Variants in PRAMEF9 observed in about 807,000 individuals in gnomAD.
PRAMEF9 encodes the protein PRAME family member 9.
Under a neutral mutation model 10.9 loss-of-function variants are expected in PRAMEF9, and 1 was observed. The ratio of observed to expected loss-of-function variants is 0.09; its 90% CI spans 0.03 to 0.44. The LOEUF (loss-of-function observed/expected upper bound fraction) is 0.44, where lower values mean the gene tolerates loss of function less well. Ranked by LOEUF, PRAMEF9 falls within the 20% of genes least tolerant of loss-of-function variation. PRAMEF9 has a pLI of 0.97. For missense variants in PRAMEF9, 126 were observed against 379.8 expected (o/e 0.33, Z 5.55); for synonymous variants, 40 against 148.3 (o/e 0.27, Z 5.31).
rs1161135169 is a variant in PRAMEF9, at chr1:13,171,878, C to CTTTTTTTTTTTTTT, written c.-663_-650dup. 8.1e-6 allele frequency: 1 copy of CTTTTTTTTTTTTTT among 123,730 alleles called. No individual in the cohort carries two copies. The highest frequency in any genetic ancestry group is 2.7e-5 in the African/African-American group (1 of 37,136). The allele number at this position is 123,730 out of a possible 1,614,324, so 7.7% of individuals were successfully genotyped here. A position where few individuals can be genotyped will look rare whatever the true frequency, so the allele number is the denominator to read the frequency against. On this transcript the variant is annotated 5_prime_UTR_variant, in exon 1 of 4. Transcript: ENST00000415919. ...TTCTCTCTCTCTCTTTTTTCTTTTT[C>CTTTTTTTTTTTTTT]TTTTTTTTTTTTTTTTTTTTTAAAT... is the stretch of plus-strand genomic sequence containing the variant.
At position 13,179,026 on chromosome 1, in the gene PRAMEF9, T is replaced by A. The variant is rs538028118; in HGVS notation, c.1331T>A (p.Val444Glu). The change falls in exon 4 of 4, where the codon GTG becomes GAG. Residue 444 changes from valine to glutamate, a missense_variant. Physicochemically the swap from Val to Glu is moderately radical, Grantham distance 121 (BLOSUM62 -2). Coordinates refer to ENST00000415919, the MANE Select transcript of PRAMEF9 (RefSeq NM_001010890.3). ...ATTAGGGCTGAGCTGATGAACAGAG[T>A]GAGGGACTTAAGGCACCCCAAGAGG... ...AQIRAELMNR[V>E]RDLRHPKRIF... The A allele has an allele frequency of 3.2e-6, 5 of 1,541,134 alleles. 1 individual carries two copies. In the South Asian group the frequency reaches 3.4e-5, roughly 10 times the overall value.
chr1:13,174,882 TTGTAGGAACTGAAAATGTGGGCA>T (rs1410547905), intron 1 of PRAMEF9: 1 of 174,584 alleles, frequency 5.7e-6, no homozygotes, highest in African/African-American at 2.6e-5. Context: ...ACAAACTTAT[TTGTAGGAACTGAAAATGTGGGCA>T]TGTAGGCTTG....
At position 13,172,154 on chromosome 1, in the gene PRAMEF9, T is replaced by G. The variant is rs1386739125; in HGVS notation, c.-395T>G. The G allele has an allele frequency of 6.9e-6, 1 of 144,400 alleles. No individual in the cohort carries two copies. The highest frequency in any genetic ancestry group is 7.0e-5 in the Admixed American group (1 of 14,234). 8.9% of individuals were successfully genotyped at this position (144,400 alleles called of 1,614,324 possible). On this transcript the variant is annotated 5_prime_UTR_variant, in exon 1 of 4. Coordinates refer to ENST00000415919, the MANE Select transcript of PRAMEF9 (RefSeq NM_001010890.3). ...CCTCCCACAGTGCTGGGATTACAGG[T>G]GTGAGCCACTTCGTCTGGCCTTGAA...
chr1:13,173,005 A>G (rs1638345956), intron 1 of PRAMEF9: 1 of 123,800 alleles, frequency 8.1e-6, no homozygotes. Flanking sequence ...CCATCCTCAG[A>G]AGCTGGTGTC....
At position 13,178,511 on chromosome 1, in the gene PRAMEF9, C is replaced by A. The variant is rs1221868925; in HGVS notation, c.876-60C>A. 26 of 547,484 alleles carry A rather than the reference C, an allele frequency of 4.7e-5. 11 individuals are homozygous for A. Among genetic ancestry groups the A allele is most frequent in the Non-Finnish European group, 6.5e-5 (26 of 399,310 alleles). 33.9% of individuals were successfully genotyped at this position (547,484 alleles called of 1,614,324 possible). On this transcript the variant is annotated intron_variant, in intron 3 of 3. Coordinates refer to ENST00000415919, the MANE Select transcript of PRAMEF9 (RefSeq NM_001010890.3). Reference sequence around the variant, plus strand: ...CATCCATTACCATGAAGCCATTCCCCACCACCCTCCACTCACCCCTATGAT... The same window carrying A: ...CATCCATTACCATGAAGCCATTCCCAACCACCCTCCACTCACCCCTATGAT...
chr1:13,179,015 G>C lies in PRAMEF9; in HGVS notation c.1320G>C (p.Leu440=), dbSNP rs782598991. 3.2e-6 allele frequency: 5 copies of C among 1,541,646 alleles called. 1 individual carries two copies. The East Asian group carries it at 9.5e-5, about 29-fold the overall frequency. ...WSRFAQIRAE[L]MNRVRDLRHP... ...GATTTGCTCAAATTAGGGCTGAGCT[G>C]ATGAACAGAGTGAGGGACTTAAGGC... The change falls in exon 4 of 4, where the codon CTG becomes CTC. Residue 440 remains leucine, a synonymous_variant. Transcript: ENST00000415919.
Position 13,172,280 on chromosome 1 carries a change from C to A in PRAMEF9, c.-269C>A, listed in dbSNP as rs1183275706. On this transcript the variant is annotated 5_prime_UTR_variant, in exon 1 of 4. Transcript: ENST00000415919. ...ATATGAATGGACATCTGATTCAATC[C>A]ATTAATCTGGGGAGAGCCAAAAACC... 7.0e-6 allele frequency: 1 copy of A among 142,684 alleles called. No individual in the cohort carries two copies. The highest frequency in any genetic ancestry group is 2.4e-5 in the African/African-American group (1 of 40,940). The allele number at this position is 142,684 out of a possible 1,614,324, so 8.8% of individuals were successfully genotyped here. A position where few individuals can be genotyped will look rare whatever the true frequency, so the allele number is the denominator to read the frequency against.
Position 13,179,042 on chromosome 1 carries a change from C to T in PRAMEF9, c.1347C>T (p.His449=), listed in dbSNP as rs549445212. The change falls in exon 4 of 4, where the codon CAC becomes CAT. Residue 449 remains histidine (H), a synonymous_variant. Coordinates refer to ENST00000415919, the MANE Select transcript of PRAMEF9 (RefSeq NM_001010890.3). The stretch of plus-strand genomic sequence containing the variant: ...TGAACAGAGTGAGGGACTTAAGGCA[C>T]CCCAAGAGGATCTTTTTCTGTATTG... The part of the protein sequence containing the change: ...ELMNRVRDLR[H]PKRIFFCIDN... 9.1e-6 allele frequency: 14 copies of T among 1,541,256 alleles called. 1 individual carries two copies. In the East Asian group the frequency reaches 3.3e-4, roughly 37 times the overall value.
chr1:13,175,063 T>C, intron 1 of PRAMEF9: 1 of 604,846 alleles, frequency 1.7e-6, no homozygotes, highest in African/African-American at 1.8e-5. Flanking sequence ...TGACCCTGCT[T>C]CCTCACTGCT....
At position 13,172,091 on chromosome 1, in the gene PRAMEF9, TCTCAAA is replaced by T. The variant is rs1185105754; in HGVS notation, c.-454_-449del. The T allele has an allele frequency of 1.4e-5, 2 of 143,844 alleles. No individual in the cohort carries two copies. The highest frequency in any genetic ancestry group is 3.1e-5 in the Non-Finnish European group (2 of 63,632). 8.9% of individuals were successfully genotyped at this position (143,844 alleles called of 1,614,324 possible). A position where few individuals can be genotyped will look rare whatever the true frequency, so the allele number is the denominator to read the frequency against. On this transcript the variant is annotated 5_prime_UTR_variant, in exon 1 of 4. Coordinates refer to ENST00000415919, the MANE Select transcript of PRAMEF9 (RefSeq NM_001010890.3). ...GGTTTTACCATGTTGGCCAGGCTTG[TCTCAAA>T]CTCCTGACCTCAGATAATCCACCTG...
chr1:13,172,659 A>G (rs1638339956), intron 1 of PRAMEF9, 127 bp downstream of exon 1: 1 of 134,420 alleles, frequency 7.4e-6, no homozygotes, highest in African/African-American at 2.5e-5. Flanking sequence ...TATATGAACA[A>G]TTTGAAGCTT....
intron 1 of PRAMEF9, 169 bp from the exon 2 acceptor site, chr1:13,175,096 A>C (rs1638361032): frequency 1.4e-6 from 1 of 714,296 alleles, no homozygotes; most frequent in South Asian, 1.8e-5. Flanking sequence ...ATGCTGATGC[A>C]GCAGAGGCAG....
chr1:13,179,013 C>A lies in PRAMEF9; in HGVS notation c.1318C>A (p.Leu440Met), dbSNP rs1434593625. 4.5e-6 allele frequency: 7 copies of A among 1,541,554 alleles called. No homozygotes were observed. In the Admixed American group the frequency reaches 6.9e-5, roughly 15 times the overall value. The change falls in exon 4 of 4, where the codon CTG becomes ATG. Residue 440 changes from leucine to methionine, a missense_variant. Physicochemically the swap from Leu to Met is conservative, Grantham distance 15. Transcript: ENST00000415919. Reference sequence around the variant, plus strand: ...CAGATTTGCTCAAATTAGGGCTGAGCTGATGAACAGAGTGAGGGACTTAAG... The same window carrying A: ...CAGATTTGCTCAAATTAGGGCTGAGATGATGAACAGAGTGAGGGACTTAAG... The part of the protein sequence containing the change: ...WSRFAQIRAE[L>M]MNRVRDLRHP...
rs1161135169 is a variant in PRAMEF9, at chr1:13,171,878, C to CTTTTTTTTTTTTTTTT, written c.-665_-650dup. 8.1e-6 allele frequency: 1 copy of CTTTTTTTTTTTTTTTT among 123,730 alleles called. No individual in the cohort carries two copies. Among genetic ancestry groups the CTTTTTTTTTTTTTTTT allele is most frequent in the Admixed American group, 8.6e-5 (1 of 11,586 alleles). The allele number at this position is 123,730 out of a possible 1,614,324, so 7.7% of individuals were successfully genotyped here. ...TTCTCTCTCTCTCTTTTTTCTTTTT[C>CTTTTTTTTTTTTTTTT]TTTTTTTTTTTTTTTTTTTTTAAAT... On this transcript the variant is annotated 5_prime_UTR_variant, in exon 1 of 4. Coordinates refer to ENST00000415919, the MANE Select transcript of PRAMEF9 (RefSeq NM_001010890.3).
chr1:13,172,647 T>C (rs1638339730), intron 1 of PRAMEF9, 115 bp downstream of exon 1: 1 of 135,462 alleles, frequency 7.4e-6, no homozygotes. Context: ...TTTTTATATA[T>C]ATATATGAAC....
Position 13,172,258 on chromosome 1 carries a change from T to C in PRAMEF9, c.-291T>C, listed in dbSNP as rs1638331486. ...GTGAAGTGAATATAGATATGTGATA[T>C]GAATGGACATCTGATTCAATCCATT... On this transcript the variant is annotated 5_prime_UTR_variant, in exon 1 of 4. The change abolishes an upstream ATG in the 5' untranslated region. Transcript: ENST00000415919. The C allele has an allele frequency of 6.9e-6, 1 of 144,860 alleles. No homozygotes were observed. Among genetic ancestry groups the C allele is most frequent in the South Asian group, 2.2e-4 (1 of 4,584 alleles). The allele number at this position is 144,860 out of a possible 1,614,324, so 9.0% of individuals were successfully genotyped here.
chr1:13,172,290 G>C lies in PRAMEF9; in HGVS notation c.-259G>C, dbSNP rs1638332062. On this transcript the variant is annotated 5_prime_UTR_variant, in exon 1 of 4. Transcript: ENST00000415919. ...ACATCTGATTCAATCCATTAATCTG[G>C]GGAGAGCCAAAAACCCAATCAGGAT... 7.2e-6 allele frequency: 1 copy of C among 138,478 alleles called. No homozygotes were observed. The highest frequency in any genetic ancestry group is 7.6e-5 in the Admixed American group (1 of 13,214). The allele number at this position is 138,478 out of a possible 1,614,324, so 8.6% of individuals were successfully genotyped here.
At position 13,175,639 on chromosome 1, in the gene PRAMEF9, T is replaced by G; in HGVS notation, c.293+66T>G. ...TCCAACTGAAGGAACAGCTGGGTCATGTGAAGTGAGGAGGCCCAAGGGGGA... is the reference window on the plus strand; with the variant it reads ...TCCAACTGAAGGAACAGCTGGGTCAGGTGAAGTGAGGAGGCCCAAGGGGGA... On this transcript the variant is annotated intron_variant, in intron 2 of 3. Transcript: ENST00000415919. 3 of 1,143,636 alleles carry G rather than the reference T, an allele frequency of 2.6e-6. No individual in the cohort carries two copies. The South Asian group carries it at 4.1e-5, about 16-fold the overall frequency. The allele number at this position is 1,143,636 out of a possible 1,614,324, so 70.8% of individuals were successfully genotyped here.
chr1:13,178,607 T>G lies in PRAMEF9; in HGVS notation c.912T>G (p.Thr304=). 1 of 879,666 alleles carries G rather than the reference T, an allele frequency of 1.1e-6. No individual in the cohort carries two copies. The highest frequency in any genetic ancestry group is 1.6e-6 in the Non-Finnish European group (1 of 620,730). The allele number at this position is 879,666 out of a possible 1,614,324, so 54.5% of individuals were successfully genotyped here. A position where few individuals can be genotyped will look rare whatever the true frequency, so the allele number is the denominator to read the frequency against. ...LKTSLKVLTI[T]NCVLLESDLK... Reference sequence around the variant, plus strand: ...CCTCGTTAAAGGTCCTCACAATAACTAACTGTGTGCTTTTGGAATCAGACT... The same window carrying G: ...CCTCGTTAAAGGTCCTCACAATAACGAACTGTGTGCTTTTGGAATCAGACT... The change falls in exon 4 of 4, where the codon ACT becomes ACG. Residue 304 remains threonine (T), a synonymous_variant. Coordinates refer to ENST00000415919, the MANE Select transcript of PRAMEF9 (RefSeq NM_001010890.3).
Sources: allele counts gnomAD v4.1 joint callset, GRCh38; gene constraint gnomAD v4.1.1; transcripts MANE v1.5; gene names NCBI Gene and HGNC (gene_info 2026-07-23, HGNC 2026-07-21).